The following MIPOL1 variants were observed in gnomAD, a reference collection of about 807,000 sequenced individuals.
MIPOL1 encodes mirror-image polydactyly gene 1 protein.
A neutral mutation model predicts 60.9 loss-of-function variants in MIPOL1; 57 were observed. The observed-to-expected ratio is 0.94, with a 90% CI of 0.76 to 1.17. The LOEUF (loss-of-function observed/expected upper bound fraction) is 1.17. MIPOL1 is among the 50% of genes most tolerant of loss of function. The probability of loss-of-function intolerance (pLI) is 0.00; values close to 1 mark genes in which losing one functional copy is unlikely to be tolerated. For missense variants in MIPOL1, 551 were observed against 511.6 expected (o/e 1.08, Z -0.74); for synonymous variants, 179 against 168.8 (o/e 1.06, Z -0.47).
At chr14:37,228,832 T>TTGTAA (rs1309038149) in intron 1 of MIPOL1, among the ~76,000 whole-genome samples, 3 of 152,120 alleles carry the variant, frequency 2.0e-5, no homozygotes, top group African/African-American at 7.2e-5. Context: ...TGGCTCATAC[T>TTGTAA]TGTAATCCCA....
rs923017645 is a variant in MIPOL1 at position 37,211,114 on chromosome 14, G to A, written c.-199+13010G>A. ...CAAAGGCAGTTTCAGATGTTACAAA[G>A]GATAAAGATGAAAACAAGCATAGGA... On this transcript the variant is annotated intron_variant, in intron 1 of 12. Coordinates refer to ENST00000684589, the MANE Select transcript of MIPOL1 (RefSeq NM_001388067.1). Among the ~76,000 whole-genome samples, 3 of 152,186 alleles carry A rather than the reference G, an allele frequency of 2.0e-5. No individual in the cohort carries two copies. In the East Asian group the frequency reaches 5.8e-4, roughly 30 times the overall value.
chr14:37,329,713 A>G (rs965391598), intron 9 of MIPOL1, among the ~76,000 whole-genome samples: 1 of 152,210 alleles, frequency 6.6e-6, no homozygotes, highest in Non-Finnish European at 1.5e-5. Context: ...TTAATAAACT[A>G]TTAAACTGTG....
chr14:37,245,147 T>A (rs545464465), intron 1 of MIPOL1, among the ~76,000 whole-genome samples: 1 of 152,232 alleles, frequency 6.6e-6, no homozygotes, highest in Non-Finnish European at 1.5e-5. Flanking sequence ...AATGACAGAC[T>A]ATGGGGCCTA....
intron 11 of MIPOL1, among the ~76,000 whole-genome samples, chr14:37,454,961 CAT>C (rs1195037517): frequency 2.0e-5 from 3 of 152,046 alleles, no homozygotes; most frequent in Non-Finnish European, 2.9e-5. Flanking sequence ...TAATAATTAT[CAT>C]ATGTCTTTTC....
chr14:37,302,186 A>G (rs2086330213), intron 7 of MIPOL1, among the ~76,000 whole-genome samples: 1 of 149,706 alleles, frequency 6.7e-6, no homozygotes, highest in South Asian at 2.1e-4. Context: ...ATTCTTTTCC[A>G]GAGTGGCTAT....
chr14:37,528,564 C>CT (rs1449164668), intron 12 of MIPOL1, among the ~76,000 whole-genome samples: 1 of 151,948 alleles, frequency 6.6e-6, no homozygotes, highest in Admixed American at 6.6e-5. Context: ...AAATATAGTA[C>CT]TTTTTTATAG....
At chr14:37,380,904 A>G (rs901230500) in intron 10 of MIPOL1, among the ~76,000 whole-genome samples, 3 of 152,140 alleles carry the variant, frequency 2.0e-5, no homozygotes, top group African/African-American at 7.2e-5. Context: ...ATGTATCAGT[A>G]TGTTAACTGA....
intron 11 of MIPOL1, among the ~76,000 whole-genome samples, chr14:37,465,117 C>G (rs1244609107): frequency 6.6e-6 from 1 of 152,104 alleles, no homozygotes; most frequent in Non-Finnish European, 1.5e-5. Flanking sequence ...ATAGACATGT[C>G]TTCAGGAGGC....
At chr14:37,527,381 G>T (rs1403620450) in intron 12 of MIPOL1, among the ~76,000 whole-genome samples, 2 of 151,964 alleles carry the variant, frequency 1.3e-5, no homozygotes, top group African/African-American at 4.8e-5. Context: ...AGAACTGTTT[G>T]TAAACTTAGC....
intron 1 of MIPOL1, among the ~76,000 whole-genome samples, chr14:37,225,074 G>C (rs1239255844): frequency 6.6e-6 from 1 of 152,188 alleles, no homozygotes; most frequent in Admixed American, 6.5e-5. Context: ...GCTGATGCAA[G>C]AGGTGGGTTC....
rs75601472 is a variant in MIPOL1 at position 37,499,520 on chromosome 14, G to A, written c.1032-388G>A. On this transcript the variant is annotated intron_variant, in intron 11 of 12. Transcript: ENST00000684589. ...TAAGTGCTTGGCAGAATAGACCCTC[G>A]ATCTCCTAAACCAATGCCCATTCTC... is the stretch of plus-strand genomic sequence containing the variant. 9.1e-3 allele frequency among the ~76,000 whole-genome samples: 1,378 copies of A among 152,144 alleles called. 26 individuals carry two copies. Among genetic ancestry groups the A allele is most frequent in the African/African-American group, 0.031 (1,292 of 41,552 alleles).
intron 10 of MIPOL1, among the ~76,000 whole-genome samples, chr14:37,406,580 G>A (rs550248914): frequency 6.6e-6 from 1 of 152,232 alleles, no homozygotes; most frequent in East Asian, 1.9e-4. Context: ...GTACCAGAGA[G>A]CTTAGTGAAA....
At chr14:37,424,889 A>T (rs1046084940) in intron 11 of MIPOL1, among the ~76,000 whole-genome samples, 27 of 152,214 alleles carry the variant, frequency 1.8e-4, no homozygotes, top group African/African-American at 6.5e-4. Flanking sequence ...TCTGACACTT[A>T]GCCCACCCCA....
At chr14:37,295,851 C>A (rs865984623) in intron 7 of MIPOL1, among the ~76,000 whole-genome samples, 6 of 152,038 alleles carry the variant, frequency 3.9e-5, no homozygotes, top group Non-Finnish European at 8.8e-5. Context: ...ACACAGTAAT[C>A]ATGGGAGACT....
chr14:37,379,352 A>G (rs148929865), intron 10 of MIPOL1, among the ~76,000 whole-genome samples: 1 of 152,248 alleles, frequency 6.6e-6, no homozygotes, highest in African/African-American at 2.4e-5. Flanking sequence ...AGCTAAAACT[A>G]TAAAACTCCT....
At chr14:37,410,492 G>T (rs1226162484) in intron 10 of MIPOL1, among the ~76,000 whole-genome samples, 1 of 152,108 alleles carries the variant, frequency 6.6e-6, no homozygotes, top group Non-Finnish European at 1.5e-5. Flanking sequence ...TTTCAGAATT[G>T]TATTAAAGAA....
intron 9 of MIPOL1, among the ~76,000 whole-genome samples, chr14:37,342,841 C>A (rs545767218): frequency 6.6e-6 from 1 of 152,014 alleles, no homozygotes; most frequent in South Asian, 2.1e-4. Context: ...TAAGTTCACT[C>A]ATTTTTCTTT....
At chr14:37,414,218 A>C (rs1295052552) in intron 10 of MIPOL1, among the ~76,000 whole-genome samples, 1 of 152,222 alleles carries the variant, frequency 6.6e-6, no homozygotes, top group Non-Finnish European at 1.5e-5. Context: ...TTAGTGAATG[A>C]CATATTTTCA....
At chr14:37,528,582 A>G (rs2095461865) in intron 12 of MIPOL1, among the ~76,000 whole-genome samples, 8 of 152,122 alleles carry the variant, frequency 5.3e-5, no homozygotes, top group Admixed American at 5.2e-4. Flanking sequence ...TAGCAGAAAG[A>G]TAACATTTCA....
Sources: allele counts gnomAD v4.1 joint callset (sites outside exome capture counted in the v4.1 genomes callset), GRCh38; gene constraint gnomAD v4.1.1; transcripts MANE v1.5; gene names NCBI Gene and HGNC (gene_info 2026-07-23, HGNC 2026-07-21).